The following DCHS2 variants were observed in gnomAD, a reference collection of about 807,000 sequenced individuals.
DCHS2 encodes the protein protocadherin-23.
A neutral mutation model predicts 182.4 loss-of-function variants in DCHS2; 142 were observed. The observed-to-expected ratio is 0.78, with a 90% CI of 0.68 to 0.89. The LOEUF (loss-of-function observed/expected upper bound fraction) is 0.89. Ranked by LOEUF, DCHS2 falls within the 40% of genes least tolerant of loss-of-function variation. The pLI, the probability that DCHS2 is intolerant of heterozygous loss-of-function variation, is 0.00. For synonymous variants in DCHS2, 1,740 were observed against 1,663.3 expected, an observed-to-expected ratio of 1.05 and a Z score of -1.12; for missense variants, 4,319 against 4,198.6, an observed-to-expected ratio of 1.03 and a Z score of -0.79.
chr4:154,266,049 G>A (rs1282652018), intron 14 of DCHS2, among the ~76,000 whole-genome samples: 1 of 152,146 alleles, frequency 6.6e-6, no homozygotes, highest in African/African-American at 2.4e-5. Flanking sequence ...ACGTGAATGT[G>A]GTCTCTCTTG....
chr4:154,277,852 C>G (rs983134891), intron 13 of DCHS2, among the ~76,000 whole-genome samples: 3 of 151,884 alleles, frequency 2.0e-5, no homozygotes, highest in Non-Finnish European at 4.4e-5. Flanking sequence ...ACCAGCCTGG[C>G]CAACATGGTG....
At chr4:154,401,156 C>T (rs542167067) in intron 1 of DCHS2, among the ~76,000 whole-genome samples, 8 of 152,300 alleles carry the variant, frequency 5.3e-5, no homozygotes, top group African/African-American at 1.9e-4. Context: ...AATGAGATCA[C>T]ACATGTGCTT....
chr4:154,327,026 C>T (rs1736311024), intron 7 of DCHS2, among the ~76,000 whole-genome samples: 1 of 152,086 alleles, frequency 6.6e-6, no homozygotes, highest in Non-Finnish European at 1.5e-5. Flanking sequence ...TACAGCTTTT[C>T]ATTTCATTCT....
chr4:154,300,755 T>C (rs911622044), intron 12 of DCHS2, among the ~76,000 whole-genome samples: 2 of 151,940 alleles, frequency 1.3e-5, no homozygotes, highest in African/African-American at 4.8e-5. Context: ...TTAGGAGTCA[T>C]AGTAATCTAC....
intron 1 of DCHS2, among the ~76,000 whole-genome samples, chr4:154,469,160 A>C (rs1735358265): frequency 6.6e-6 from 1 of 152,134 alleles, no homozygotes; most frequent in African/African-American, 2.4e-5. Flanking sequence ...GTAAGAGAAA[A>C]GGTTGTTTAT....
In DCHS2 at chr4:154,267,185, A is replaced by G. The variant is rs1029535465; in HGVS notation, c.6577+2715T>C. 2.8e-4 allele frequency among the ~76,000 whole-genome samples: 43 copies of G among 152,354 alleles called. 1 individual carries two copies. The highest frequency in any genetic ancestry group is 8.9e-4 in the African/African-American group (37 of 41,576). On this transcript the variant is annotated intron_variant, in intron 14 of 19. Transcript: ENST00000357232. ...TCCAGCATTACATTACATCCAGATT[A>G]TGATCTGCATCAATCAATTAGTGGC... is the stretch of plus-strand genomic sequence containing the variant.
rs769464084 is a variant in DCHS2 at position 154,391,149 on chromosome 4, A to T, written c.2053-13705T>A. The T allele has an allele frequency of 4.9e-5, 78 of 1,605,590 alleles. 1 individual carries two copies. The highest frequency in any genetic ancestry group is 6.2e-5 in the Non-Finnish European group (73 of 1,175,646). On this transcript the variant is annotated intron_variant, in intron 1 of 19. Coordinates refer to ENST00000357232, the MANE Select transcript of DCHS2 (RefSeq NM_001358235.2). ...CTTATAAAAGCTGATACTTATTTTT[A>T]ATTTTTGTTCTTACCTCTGAGATTT... is the stretch of plus-strand genomic sequence containing the variant.
chr4:154,456,316 A>G (rs1734763199), intron 1 of DCHS2, among the ~76,000 whole-genome samples: 1 of 152,212 alleles, frequency 6.6e-6, no homozygotes. Context: ...TATAGCAAGC[A>G]TTTATTGAGC....
chr4:154,481,700 G>A (rs577838594), intron 1 of DCHS2, among the ~76,000 whole-genome samples: 3 of 152,230 alleles, frequency 2.0e-5, no homozygotes, highest in East Asian at 1.9e-4. Flanking sequence ...TCATTTAATC[G>A]CCACAATAAC....
rs1346995591 is a variant in DCHS2, at chr4:154,233,659, A to G, written c.*877T>C. 2 of 152,198 alleles carry G rather than the reference A, an allele frequency of 1.3e-5. No individual in the cohort carries two copies. The highest frequency in any genetic ancestry group is 1.3e-4 in the Admixed American group (2 of 15,278). 9.4% of individuals were successfully genotyped at this position (152,198 alleles called of 1,614,324 possible). On this transcript the variant is annotated 3_prime_UTR_variant, in exon 20 of 20. Transcript: ENST00000357232. ...AAGAAAATAAAATGAAGACATTGCT[A>G]TAAATTAACCTTTGAAGTTTAATGT...
chr4:154,443,748 A>G (rs1482288511), intron 1 of DCHS2, among the ~76,000 whole-genome samples: 1 of 152,178 alleles, frequency 6.6e-6, no homozygotes, highest in Non-Finnish European at 1.5e-5. Context: ...TTAGTTCTCA[A>G]AAAATCTCCA....
At chr4:154,282,260 A>C (rs1734180378) in intron 13 of DCHS2, among the ~76,000 whole-genome samples, 1 of 152,132 alleles carries the variant, frequency 6.6e-6, no homozygotes, top group African/African-American at 2.4e-5. Context: ...TAATAAGAGA[A>C]AATAGTTGCA....
At chr4:154,384,571 C>A in intron 1 of DCHS2, 2 of 1,491,972 alleles carry the variant, frequency 1.3e-6, no homozygotes, top group East Asian at 2.5e-5. Flanking sequence ...GTGAGTACTA[C>A]CTTATATGGC....
In DCHS2 at chr4:154,489,513, T is replaced by C. The variant is rs1185500020; in HGVS notation, c.1843A>G (p.Ile615Val). 6.4e-7 allele frequency: 1 copy of C among 1,551,674 alleles called. No homozygotes were observed. Among genetic ancestry groups the C allele is most frequent in the Non-Finnish European group, 8.7e-7 (1 of 1,146,972 alleles). ...CGGTCTAGAGTCCGGATAGTGCTGA[T>C]CGCACCGCTTTCGGAATCAATGGCA... is the stretch of plus-strand genomic sequence containing the variant. ...SFAIDSESGA[I>V]STIRTLDREV... is the part of the protein sequence containing the mutation. The change falls in exon 1 of 20, where the codon ATC becomes GTC. Residue 615 changes from isoleucine to valine, a missense_variant. Physicochemically the swap from Ile to Val is conservative, Grantham distance 29. Coordinates refer to ENST00000357232, the MANE Select transcript of DCHS2 (RefSeq NM_001358235.2).
intron 5 of DCHS2, among the ~76,000 whole-genome samples, chr4:154,330,984 G>C (rs971393970): frequency 5.3e-5 from 8 of 152,112 alleles, no homozygotes; most frequent in African/African-American, 1.7e-4. Flanking sequence ...TGCAGCTCAG[G>C]CTGCAGCTGG....
At chr4:154,471,975 C>A (rs1735489279) in intron 1 of DCHS2, among the ~76,000 whole-genome samples, 1 of 152,154 alleles carries the variant, frequency 6.6e-6, no homozygotes, top group Non-Finnish European at 1.5e-5. Context: ...AAGGATTCTA[C>A]TACACTACTA....
At chr4:154,313,664 C>T (rs1350866808) in intron 10 of DCHS2, among the ~76,000 whole-genome samples, 6 of 152,028 alleles carry the variant, frequency 3.9e-5, no homozygotes, top group African/African-American at 1.4e-4. Flanking sequence ...AAAATATATT[C>T]GAAAGTACGT....
rs911215387 is a variant in DCHS2, at chr4:154,304,546, T to C, written c.5605+123A>G. The C allele has an allele frequency of 5.2e-6, 4 of 771,642 alleles. No individual in the cohort carries two copies. The African/African-American group carries it at 7.1e-5, about 14-fold the overall frequency. The allele number at this position is 771,642 out of a possible 1,614,324, so 47.8% of individuals were successfully genotyped here. A position where few individuals can be genotyped will look rare whatever the true frequency, so the allele number is the denominator to read the frequency against. On this transcript the variant is annotated intron_variant, in intron 12 of 19. Coordinates refer to ENST00000357232, the MANE Select transcript of DCHS2 (RefSeq NM_001358235.2). The stretch of plus-strand genomic sequence containing the variant: ...AATTTGGGAGGCTGAGGCACAAGAA[T>C]TGCTTGAACCTGGGAGGTGAAGTTG...
chr4:154,302,006 G>A (rs1380076134), intron 12 of DCHS2, among the ~76,000 whole-genome samples: 1 of 152,032 alleles, frequency 6.6e-6, no homozygotes, highest in East Asian at 1.9e-4. Context: ...TTTCAAAACT[G>A]AGACCTTATG....
Sources: gnomAD v4.1 joint callset for allele counts (sites outside exome capture counted in the v4.1 genomes callset) on GRCh38, gnomAD v4.1.1 for gene constraint, MANE v1.5 for transcripts, NCBI Gene and HGNC (gene_info 2026-07-23, HGNC 2026-07-21) for gene names.